Variants in ERLIN2 observed in about 807,000 individuals in gnomAD.
The protein encoded by ERLIN2 is erlin-2.
ERLIN2 carries 22 observed loss-of-function variants against 41.5 expected under a neutral mutation model. The ratio of observed to expected loss-of-function variants is 0.53; its 90% CI spans 0.38 to 0.76. The LOEUF (loss-of-function observed/expected upper bound fraction) is 0.76, where lower values mean the gene tolerates loss of function less well. Ranked by LOEUF, ERLIN2 falls within the 30% of genes least tolerant of loss-of-function variation. The probability of loss-of-function intolerance (pLI) is 0.00; values close to 1 mark genes in which losing one functional copy is unlikely to be tolerated. For synonymous variants in ERLIN2, 149 were observed against 150.9 expected (o/e 0.99, Z 0.09); for missense variants, 247 against 414.3 (o/e 0.60, Z 3.51).
intron 2 of ERLIN2, among the ~76,000 whole-genome samples, chr8:37,740,156 G>C (rs1237753868): frequency 1.3e-5 from 2 of 152,104 alleles, no homozygotes; most frequent in African/African-American, 4.8e-5. Context: ...GCAAAAGCAT[G>C]AACAATAGTT....
intron 8 of ERLIN2, 25 bp downstream of exon 8, chr8:37,749,877 G>A: frequency 6.2e-7 from 1 of 1,607,968 alleles, no homozygotes; most frequent in South Asian, 1.1e-5. Context: ...CGCCTGGGCT[G>A]TGACCACCAC....
intron 1 of ERLIN2, chr8:37,737,518 A>G (rs1223860305): frequency 3.9e-6 from 1 of 256,730 alleles, no homozygotes; most frequent in Non-Finnish European, 7.8e-6. Flanking sequence ...GTCATTTGGC[A>G]TCCTCTGTAA....
rs903396544 is a variant in ERLIN2 at position 37,755,215 on chromosome 8, C to T, written c.*1100C>T. ...AGCAACGCAAGTCAGGCTGAACATT[C>T]AGTCTCCAGAGACAGCTGTGTGGAG... On this transcript the variant is annotated 3_prime_UTR_variant, in exon 12 of 12. Transcript: ENST00000519638. 1.3e-5 allele frequency: 2 copies of T among 152,262 alleles called. No individual in the cohort carries two copies. The highest frequency in any genetic ancestry group is 2.9e-5 in the Non-Finnish European group (2 of 68,066). 9.4% of individuals were successfully genotyped at this position (152,262 alleles called of 1,614,324 possible).
intron 6 of ERLIN2, chr8:37,745,508 A>G (rs1803011465): frequency 6.5e-7 from 1 of 1,540,358 alleles, no homozygotes; most frequent in African/African-American, 1.4e-5. Flanking sequence ...GAAATTCTCT[A>G]ATAGCCAATG....
intron 6 of ERLIN2, 112 bp downstream of exon 6, chr8:37,744,808 A>G (rs765334544): frequency 2.6e-6 from 3 of 1,172,294 alleles, no homozygotes; most frequent in Non-Finnish European, 3.8e-6. Context: ...ACTTATGGAC[A>G]GGAAATGTTA....
intron 6 of ERLIN2, among the ~76,000 whole-genome samples, chr8:37,748,736 C>T (rs535018420): frequency 1.3e-5 from 2 of 152,198 alleles, no homozygotes; most frequent in Non-Finnish European, 2.9e-5. Context: ...CTCTAAGCCC[C>T]TCCGGGATCT....
chr8:37,742,032 T>C (rs1224124104), intron 4 of ERLIN2, among the ~76,000 whole-genome samples: 1 of 151,686 alleles, frequency 6.6e-6, no homozygotes, highest in Non-Finnish European at 1.5e-5. Flanking sequence ...TGATAAGGAG[T>C]TTGCACTTAC....
chr8:37,749,409 G>A, intron 6 of ERLIN2, 150 bp from the exon 7 acceptor site: 1 of 706,200 alleles, frequency 1.4e-6, no homozygotes, highest in South Asian at 1.5e-5. Context: ...GTTGGGCAGG[G>A]GATCTTTAGA....
At chr8:37,745,692 C>T (rs2129688339) in intron 6 of ERLIN2, 5 of 1,602,918 alleles carry the variant, frequency 3.1e-6, no homozygotes, top group East Asian at 2.2e-5. Context: ...CCGCCTTTTG[C>T]ACCATTTAAG....
At chr8:37,748,861 T>TG (rs1292278846) in intron 6 of ERLIN2, among the ~76,000 whole-genome samples, 1 of 152,060 alleles carries the variant, frequency 6.6e-6, no homozygotes, top group Non-Finnish European at 1.5e-5. Context: ...GAAAGGAAGG[T>TG]GGGGGGAGAG....
In ERLIN2 at chr8:37,740,441, G is replaced by A. The variant is rs1013519884; in HGVS notation, c.184G>A (p.Val62Met). Reference protein sequence around the residue: ...MLPFITSYKSVQTTLQTDEVK... With the variant: ...MLPFITSYKSMQTTLQTDEVK... ...CCCTTTCATCACATCATATAAGTCT[G>A]TGCAGGTATGCTTGGCCTCTGTGGT... Residue 62 changes from valine (V) to methionine (M), a missense_variant, in exon 3 of 12, where the codon GTG becomes ATG. Val to Met is a conservative substitution (Grantham distance 21, BLOSUM62 1). Coordinates refer to ENST00000519638, the MANE Select transcript of ERLIN2 (RefSeq NM_007175.8). The A allele has an allele frequency of 1.2e-6, 2 of 1,612,000 alleles. No homozygotes were observed. Among genetic ancestry groups the A allele is most frequent in the Non-Finnish European group, 1.7e-6 (2 of 1,178,652 alleles).
rs1353725056 is a variant in ERLIN2, at chr8:37,737,996, A to C, written c.74A>C (p.Lys25Thr). 6.2e-7 allele frequency: 1 copy of C among 1,614,074 alleles called. No individual in the cohort carries two copies. The highest frequency in any genetic ancestry group is 8.5e-7 in the Non-Finnish European group (1 of 1,180,006). The stretch of plus-strand genomic sequence containing the variant: ...GCATCTCTCTTCTCAGCTGTGCACA[A>C]GATAGAAGAGGGACATATTGGGGTA... ...FCASLFSAVH[K>T]IEEGHIGVYY... The change falls in exon 2 of 12, where the codon AAG becomes ACG. Residue 25 changes from lysine to threonine, a missense_variant. Coordinates refer to ENST00000519638, the MANE Select transcript of ERLIN2 (RefSeq NM_007175.8).
chr8:37,737,936 GAGC>G lies in ERLIN2; in HGVS notation c.17_19del (p.Ala6del). On this transcript the variant is annotated inframe_deletion, in exon 2 of 12. Coordinates refer to ENST00000519638, the MANE Select transcript of ERLIN2 (RefSeq NM_007175.8). ...AAAGGCTCACTGATGGCTCAGTTGGGAGCAGTTGTGGCTGTGGCTTCCAGTTTC... is the reference window on the plus strand; with the variant it reads ...AAAGGCTCACTGATGGCTCAGTTGGGAGTTGTGGCTGTGGCTTCCAGTTTC... 1 of 1,614,156 alleles carries G rather than the reference GAGC, an allele frequency of 6.2e-7. No homozygotes were observed. Among genetic ancestry groups the G allele is most frequent in the East Asian group, 2.2e-5 (1 of 44,880 alleles).
intron 6 of ERLIN2, chr8:37,746,476 G>A (rs1053410367): frequency 6.1e-6 from 6 of 983,444 alleles, no homozygotes; most frequent in Non-Finnish European, 6.0e-6. Flanking sequence ...CTGAAGCAGT[G>A]TGACATAAAA....
intron 11 of ERLIN2, 61 bp downstream of exon 11, chr8:37,753,590 G>C: frequency 6.7e-7 from 1 of 1,496,142 alleles, no homozygotes; most frequent in Non-Finnish European, 9.3e-7. Context: ...TATTGCAGGA[G>C]AGTTTCCAGT....
At chr8:37,747,835 C>A (rs1467078718) in intron 6 of ERLIN2, 2 of 1,614,170 alleles carry the variant, frequency 1.2e-6, no homozygotes, top group Non-Finnish European at 1.7e-6. Flanking sequence ...ATCAATCACA[C>A]GGGACCGGTC....
In ERLIN2 at chr8:37,753,925, C is replaced by T. The variant is rs748118098; in HGVS notation, c.830C>T (p.Thr277Ile). ...KIAEANKLKLTPEYLQLMKYK... is the reference protein window; with the variant it reads ...KIAEANKLKLIPEYLQLMKYK... ...TTTTTTTTTTAACAGCTGAAGCTAA[C>T]CCCTGAATATCTGCAGCTGATGAAG... The change falls in exon 12 of 12, where the codon ACC becomes ATC. Residue 277 changes from threonine to isoleucine, a missense_variant. Thr to Ile is a moderately conservative substitution (Grantham distance 89, BLOSUM62 -1). Around this residue, in one of 3 missense-constraint regions of ERLIN2, gnomAD observed 153 missense variants for 256.4 expected, o/e 0.60. Transcript: ENST00000519638. 1 of 1,613,088 alleles carries T rather than the reference C, an allele frequency of 6.2e-7. No individual in the cohort carries two copies. The highest frequency in any genetic ancestry group is 8.5e-7 in the Non-Finnish European group (1 of 1,179,434).
At position 37,753,541 on chromosome 8, in the gene ERLIN2, G is replaced by A. The variant is rs117553056; in HGVS notation, c.819+12G>A. On this transcript the variant is annotated intron_variant, in intron 11 of 11. Transcript: ENST00000519638. ...CCGAAGCCAATAAGGTAAAGACCCC[G>A]CACAGCCTGATAAAAAGGAGTCTTT... 5.4e-4 allele frequency: 869 copies of A among 1,611,502 alleles called. 4 individuals are homozygous for A. The East Asian group carries it at 0.012, about 22-fold the overall frequency.
intron 6 of ERLIN2, chr8:37,747,582 C>G: frequency 6.2e-7 from 1 of 1,612,334 alleles, no homozygotes; most frequent in South Asian, 1.1e-5. Flanking sequence ...TCATCATCAC[C>G]TTCTTAGGAG....
Sources: gnomAD v4.1 joint callset for allele counts (sites outside exome capture counted in the v4.1 genomes callset) on GRCh38, gnomAD v4.1.1 for gene constraint, gnomAD v4.1.1 regional missense constraint, MANE v1.5 for transcripts, NCBI Gene and HGNC (gene_info 2026-07-23, HGNC 2026-07-21) for gene names.